Variants in TRIM44 observed in about 807,000 individuals in gnomAD.
TRIM44 encodes the protein tripartite motif containing 44.
A neutral mutation model predicts 37.4 loss-of-function variants in TRIM44; 13 were observed. The ratio of observed to expected loss-of-function variants is 0.35; its 90% CI spans 0.23 to 0.55. The LOEUF (loss-of-function observed/expected upper bound fraction) is 0.55. TRIM44 is among the 20% of genes least tolerant of loss of function. The probability of loss-of-function intolerance (pLI) is 0.89; values close to 1 mark genes in which losing one functional copy is unlikely to be tolerated. For missense variants in TRIM44, 426 were observed against 437.2 expected (o/e 0.97, Z 0.23); for synonymous variants, 175 against 157.2 (o/e 1.11, Z -0.85).
At chr11:35,772,833 ATAAGT>A (rs1375982931) in intron 4 of TRIM44, among the ~76,000 whole-genome samples, 7 of 152,204 alleles carry the variant, frequency 4.6e-5, no homozygotes, top group Admixed American at 4.6e-4. Flanking sequence ...TAATGCTGAA[ATAAGT>A]TAAGACTTTG....
Position 35,663,634 on chromosome 11 carries a change from G to A in TRIM44, c.523G>A (p.Ala175Thr). The change falls in exon 1 of 5, where the codon GCC becomes ACC. Residue 175 changes from alanine to threonine, a missense_variant. Physicochemically the swap from Ala to Thr is moderately conservative, Grantham distance 58. This residue lies in a region of TRIM44 where 331 missense variants were observed against 303.0 expected (regional missense o/e 1.09). Transcript: ENST00000299413. Reference protein sequence around the residue: ...PEIEMEAERVAKRKCPDHGLD... With the variant: ...PEIEMEAERVTKRKCPDHGLD... ...AATAGAAATGGAAGCAGAGAGAGTG[G>A]CCAAGAGGAAGTGTCCGGACCATGG... 6.2e-7 allele frequency: 1 copy of A among 1,614,128 alleles called. No homozygotes were observed. Among genetic ancestry groups the A allele is most frequent in the East Asian group, 2.2e-5 (1 of 44,868 alleles).
Position 35,726,042 on chromosome 11 carries a change from C to T in TRIM44, c.866C>T (p.Thr289Ile), listed in dbSNP as rs1222342991. The T allele has an allele frequency of 6.2e-7, 1 of 1,614,124 alleles. No homozygotes were observed. The highest frequency in any genetic ancestry group is 1.7e-5 in the Admixed American group (1 of 60,016). ...GTGGACATCCAAGAGGCAATGGCCACAGCTCATGTGACTGAGATACTGGCA... is the reference window on the plus strand; with the variant it reads ...GTGGACATCCAAGAGGCAATGGCCATAGCTCATGTGACTGAGATACTGGCA... ...HLVDIQEAMA[T>I]AHVTEILADI... The change falls in exon 3 of 5, where the codon ACA (threonine) becomes ATA (isoleucine). Residue 289 changes from threonine (T) to isoleucine (I), a missense_variant. By Grantham distance (89) the Thr-to-Ile change is moderately conservative. Coordinates refer to ENST00000299413, the MANE Select transcript of TRIM44 (RefSeq NM_017583.6).
At chr11:35,667,815 A>C (rs1267344218) in intron 1 of TRIM44, among the ~76,000 whole-genome samples, 1 of 152,134 alleles carries the variant, frequency 6.6e-6, no homozygotes, top group Non-Finnish European at 1.5e-5. Flanking sequence ...GATATCCTTG[A>C]TCCAACTTGG....
chr11:35,686,362 G>GTT lies in TRIM44; in HGVS notation c.747+1030_747+1031dup, dbSNP rs201740615. ...TTTTATTTTACTGTAGGTTCTTTTT[G>GTT]TTTTTGTTTTTGTTTTTTTTTTTTT... On this transcript the variant is annotated intron_variant, in intron 2 of 4. Transcript: ENST00000299413. 1.9e-3 allele frequency among the ~76,000 whole-genome samples: 277 copies of GTT among 143,626 alleles called. 1 individual carries two copies. The highest frequency in any genetic ancestry group is 6.1e-3 in the African/African-American group (230 of 37,646). 94.2% of individuals were successfully genotyped at this position (143,626 alleles called of 152,430 possible).
Position 35,719,233 on chromosome 11 carries a change from T to C in TRIM44, c.748-6691T>C, listed in dbSNP as rs140741647. On this transcript the variant is annotated intron_variant, in intron 2 of 4. Coordinates refer to ENST00000299413, the MANE Select transcript of TRIM44 (RefSeq NM_017583.6). The stretch of plus-strand genomic sequence containing the variant: ...GAGATTTTCTGTTCTTCCACATCTT[T>C]GCCAGCATTTGATCTTGTTAATGTT... Among the ~76,000 whole-genome samples, 283 of 152,294 alleles carry C rather than the reference T, an allele frequency of 1.9e-3. 2 individuals are homozygous for C. Among genetic ancestry groups the C allele is most frequent in the African/African-American group, 6.5e-3 (272 of 41,576 alleles).
intron 4 of TRIM44, among the ~76,000 whole-genome samples, chr11:35,796,658 C>G (rs1329503114): frequency 3.3e-5 from 5 of 152,136 alleles, no homozygotes; most frequent in Non-Finnish European, 7.3e-5. Flanking sequence ...CCTTTCAGAC[C>G]TCATCACAGG....
chr11:35,772,758 C>A (rs1255740019), intron 4 of TRIM44, among the ~76,000 whole-genome samples: 1 of 152,196 alleles, frequency 6.6e-6, no homozygotes, highest in Non-Finnish European at 1.5e-5. Context: ...TTTGATTTTA[C>A]AGGCTCATAG....
chr11:35,680,104 A>G (rs956694721), intron 1 of TRIM44, among the ~76,000 whole-genome samples: 2 of 152,216 alleles, frequency 1.3e-5, no homozygotes, highest in African/African-American at 4.8e-5. Context: ...CTTCTCTTGA[A>G]TCTGCTGGTC....
intron 4 of TRIM44, among the ~76,000 whole-genome samples, chr11:35,752,709 T>C (rs1291086809): frequency 6.6e-6 from 1 of 152,196 alleles, no homozygotes; most frequent in African/African-American, 2.4e-5. Context: ...CTTCCTCTTC[T>C]TCAGAGGTGA....
At chr11:35,731,719 T>C (rs2135518901) in intron 3 of TRIM44, among the ~76,000 whole-genome samples, 1 of 152,324 alleles carries the variant, frequency 6.6e-6, no homozygotes, top group South Asian at 2.1e-4. Flanking sequence ...CATGAGCATT[T>C]TTGTCTTTTG....
chr11:35,687,403 T>C (rs1051217136), intron 2 of TRIM44, among the ~76,000 whole-genome samples: 4 of 152,240 alleles, frequency 2.6e-5, no homozygotes, highest in Admixed American at 6.5e-5. Context: ...TTATCAACTT[T>C]CCTAGCTCAA....
At chr11:35,774,880 A>G (rs1317432959) in intron 4 of TRIM44, among the ~76,000 whole-genome samples, 5 of 152,160 alleles carry the variant, frequency 3.3e-5, no homozygotes, top group Admixed American at 3.3e-4. Context: ...GCTTTGTAGT[A>G]TAGTTTGAAG....
chr11:35,756,469 C>T (rs1324720271), intron 4 of TRIM44, among the ~76,000 whole-genome samples: 2 of 152,168 alleles, frequency 1.3e-5, no homozygotes. Flanking sequence ...AATTTGACTT[C>T]CTCTTTTCCT....
chr11:35,695,185 C>T (rs993053487), intron 2 of TRIM44, among the ~76,000 whole-genome samples: 6 of 152,084 alleles, frequency 3.9e-5, no homozygotes, highest in African/African-American at 9.7e-5. Flanking sequence ...ATCTTCTCTA[C>T]GACGAGTCAT....
intron 2 of TRIM44, among the ~76,000 whole-genome samples, chr11:35,688,516 G>A (rs1851605794): frequency 6.6e-6 from 1 of 151,996 alleles, no homozygotes; most frequent in Non-Finnish European, 1.5e-5. Flanking sequence ...TTTCTATGTA[G>A]TACCTTTTCA....
chr11:35,786,669 C>T (rs1219088747), intron 4 of TRIM44, among the ~76,000 whole-genome samples: 2 of 152,142 alleles, frequency 1.3e-5, no homozygotes, highest in East Asian at 3.8e-4. Context: ...ATCATAATGC[C>T]TTCTTCACAG....
At chr11:35,733,970 A>G (rs1018091105) in intron 3 of TRIM44, among the ~76,000 whole-genome samples, 1 of 152,160 alleles carries the variant, frequency 6.6e-6, no homozygotes, top group Non-Finnish European at 1.5e-5. Context: ...TGGCAATATC[A>G]ATGTTACCTT....
In TRIM44 at chr11:35,807,414, G is replaced by A. The variant is rs1590615415; in HGVS notation, c.*1029G>A. On this transcript the variant is annotated 3_prime_UTR_variant, in exon 5 of 5. Transcript: ENST00000299413. ...CTCCGACCAGAACCCTTCTTCCTGT[G>A]GCACTCCCCACCCATAGACCTTCAG... The A allele has an allele frequency of 6.6e-6, 1 of 152,164 alleles. No homozygotes were observed. The highest frequency in any genetic ancestry group is 2.4e-5 in the African/African-American group (1 of 41,502). The allele number at this position is 152,164 out of a possible 1,614,324, so 9.4% of individuals were successfully genotyped here. A position where few individuals can be genotyped will look rare whatever the true frequency, so the allele number is the denominator to read the frequency against.
At chr11:35,708,944 A>G (rs972194391) in intron 2 of TRIM44, among the ~76,000 whole-genome samples, 7 of 150,290 alleles carry the variant, frequency 4.7e-5, no homozygotes, top group Non-Finnish European at 1.0e-4. Context: ...ATGAAAACAC[A>G]TTAAAATAAA....
Sources: allele counts gnomAD v4.1 joint callset (sites outside exome capture counted in the v4.1 genomes callset), GRCh38; gene constraint gnomAD v4.1.1; regional missense constraint gnomAD v4.1.1; transcripts MANE v1.5; gene names NCBI Gene and HGNC (gene_info 2026-07-23, HGNC 2026-07-21).